The following PCGF3 variants were observed in gnomAD, a reference collection of about 807,000 sequenced individuals.
PCGF3 encodes polycomb group RING finger protein 3.
In PCGF3, 7 loss-of-function variants were observed where a neutral mutation model predicts 33.1. The observed-to-expected ratio is 0.21, with a 90% CI of 0.12 to 0.40. The LOEUF (loss-of-function observed/expected upper bound fraction) is 0.40. Among genes scored for constraint, PCGF3 ranks in the 10% least tolerant of loss-of-function variants. PCGF3 has a pLI of 1.00. For synonymous variants in PCGF3, 153 were observed against 121.3 expected, an observed-to-expected ratio of 1.26 and a Z score of -1.72; for missense variants, 211 against 313.3, an observed-to-expected ratio of 0.67 and a Z score of 2.46.
Position 734,466 on chromosome 4 carries a change from C to T in PCGF3, c.110-465C>T, listed in dbSNP as rs930728608. ...CTCACTTTAGGAAATAAAATATTTG[C>T]CAATTTGATAGAATTTTGACTTTAA... On this transcript the variant is annotated intron_variant, in intron 4 of 10. Coordinates refer to ENST00000362003, the Ensembl canonical transcript of PCGF3. 5 of 1,244,442 alleles carry T rather than the reference C, an allele frequency of 4.0e-6. No homozygotes were observed. In the African/African-American group the frequency reaches 4.6e-5, roughly 12 times the overall value. The allele number at this position is 1,244,442 out of a possible 1,614,324, so 77.1% of individuals were successfully genotyped here. A position where few individuals can be genotyped will look rare whatever the true frequency, so the allele number is the denominator to read the frequency against.
At chr4:767,298 AAAC>A (rs1326350816) in exon 11 of PCGF3, 1 of 152,146 alleles carries the variant, frequency 6.6e-6, no homozygotes, top group Non-Finnish European at 1.5e-5. Flanking sequence ...ATTAGAGAAT[AAAC>A]AGCCACACAC....
At chr4:750,384 G>C (rs1259014929) in intron 8 of PCGF3, among the ~76,000 whole-genome samples, 1 of 152,096 alleles carries the variant, frequency 6.6e-6, no homozygotes, top group Non-Finnish European at 1.5e-5. Context: ...TTGTTCACTT[G>C]GGTGCAGATT....
At chr4:757,948 C>G (rs553064125) in intron 8 of PCGF3, among the ~76,000 whole-genome samples, 13 of 152,172 alleles carry the variant, frequency 8.5e-5, no homozygotes, top group East Asian at 7.7e-4. Context: ...GTGGGCAGAT[C>G]ACGAGGTCAG....
At position 744,581 on chromosome 4, in the gene PCGF3, G is replaced by A. The variant is rs1211520953; in HGVS notation, c.374-19G>A. The stretch of plus-strand genomic sequence containing the variant: ...CAGTTTGGATTTCATGGTGCGCTAT[G>A]TTCTGTTTGTGCTAAAAGGTGAAAC... On this transcript the variant is annotated intron_variant, in intron 7 of 10. Coordinates refer to ENST00000362003, the Ensembl canonical transcript of PCGF3. The A allele has an allele frequency of 5.9e-6, 9 of 1,537,772 alleles. No homozygotes were observed. The highest frequency in any genetic ancestry group is 7.1e-6 in the Non-Finnish European group (8 of 1,134,058).
exon 11 of PCGF3, chr4:768,866 A>G (rs913259162): frequency 6.6e-6 from 1 of 152,544 alleles, no homozygotes; most frequent in Non-Finnish European, 1.5e-5. Context: ...TTTTATGTGG[A>G]TGAAGAGCAT....
chr4:714,100 C>T (rs932873406), intron 1 of PCGF3, among the ~76,000 whole-genome samples: 3 of 152,278 alleles, frequency 2.0e-5, no homozygotes, highest in South Asian at 2.1e-4. Context: ...ATGACAGGAC[C>T]AGCGCCCTTT....
intron 1 of PCGF3, among the ~76,000 whole-genome samples, chr4:716,041 G>A (rs376004448): frequency 1.4e-5 from 2 of 144,536 alleles, no homozygotes; most frequent in African/African-American, 2.5e-5. Flanking sequence ...AGAACTGGGC[G>A]TCGGTGCTGG....
At chr4:760,692 C>T (rs1398943222) in intron 8 of PCGF3, among the ~76,000 whole-genome samples, 4 of 152,236 alleles carry the variant, frequency 2.6e-5, no homozygotes, top group Admixed American at 6.5e-5. Flanking sequence ...GGGGCCAAGC[C>T]GGCCGGGCCC....
chr4:717,593 T>G (rs938447540), intron 1 of PCGF3, among the ~76,000 whole-genome samples: 2 of 152,234 alleles, frequency 1.3e-5, no homozygotes, highest in Admixed American at 6.5e-5. Context: ...TTGGCCAAGC[T>G]GCTCTCAAGC....
chr4:734,496 A>C, intron 4 of PCGF3: 1 of 1,223,666 alleles, frequency 8.2e-7, no homozygotes, highest in Non-Finnish European at 1.0e-6. Flanking sequence ...CTTTAACGTT[A>C]ATCGTATTTT....
chr4:764,716 G>A (rs1240394955), intron 9 of PCGF3: 4 of 372,308 alleles, frequency 1.1e-5, no homozygotes, highest in African/African-American at 2.1e-5. Context: ...CTGCAGAAAC[G>A]TCATCCCCCT....
chr4:766,297 T>C (rs1025869837), exon 11 of PCGF3: 2 of 512,620 alleles, frequency 3.9e-6, no homozygotes, highest in South Asian at 2.4e-5. Flanking sequence ...GAGCCGATCG[T>C]CCTCTCCCCC....
intron 9 of PCGF3, among the ~76,000 whole-genome samples, chr4:763,749 G>A (rs1357374749): frequency 2.0e-5 from 3 of 152,164 alleles, no homozygotes; most frequent in Non-Finnish European, 4.4e-5. Context: ...ACAAAAACCT[G>A]CACCCGGATG....
chr4:735,928 T>A (rs1292585917), intron 5 of PCGF3, among the ~76,000 whole-genome samples: 2 of 152,060 alleles, frequency 1.3e-5, no homozygotes, highest in Non-Finnish European at 1.5e-5. Flanking sequence ...GGGGGGTTGC[T>A]CCAAAGGAAG....
In PCGF3 at chr4:750,053, C is replaced by T. The variant is rs1744444955; in HGVS notation, c.462+5365C>T. The stretch of plus-strand genomic sequence containing the variant: ...CTCCTGGGCTGAAGCAGTCCACCTG[C>T]CTCAGTCTCCCAAAGTGCCAGGATT... On this transcript the variant is annotated intron_variant, in intron 8 of 10. Coordinates refer to ENST00000362003, the Ensembl canonical transcript of PCGF3. Among the ~76,000 whole-genome samples the T allele has an allele frequency of 3.3e-5, 5 of 152,212 alleles. No homozygotes were observed. In the South Asian group the frequency reaches 1.0e-3, roughly 31 times the overall value.
At chr4:714,034 C>G (rs981489090) in intron 1 of PCGF3, among the ~76,000 whole-genome samples, 2 of 152,088 alleles carry the variant, frequency 1.3e-5, no homozygotes, top group Non-Finnish European at 2.9e-5. Context: ...CCATGGGGGA[C>G]CCTAACCCCC....
chr4:762,808 C>T (rs1354802426), intron 9 of PCGF3: 3 of 152,196 alleles, frequency 2.0e-5, no homozygotes, highest in African/African-American at 7.2e-5. Context: ...AAGACACCAC[C>T]TCGTGATAAT....
At chr4:723,252 G>A (rs1009560255) in intron 1 of PCGF3, among the ~76,000 whole-genome samples, 6 of 152,244 alleles carry the variant, frequency 3.9e-5, no homozygotes, top group Admixed American at 2.6e-4. Flanking sequence ...GCTCCTAGCC[G>A]CTGCAGTTGC....
intron 8 of PCGF3, among the ~76,000 whole-genome samples, chr4:748,998 CTG>C (rs1420369470): frequency 6.6e-6 from 1 of 152,110 alleles, no homozygotes; most frequent in Admixed American, 6.5e-5. Context: ...CGATGTAAAG[CTG>C]TGTGTGATGT....
Sources: allele counts gnomAD v4.1 joint callset (sites outside exome capture counted in the v4.1 genomes callset), GRCh38; gene constraint gnomAD v4.1.1; transcripts MANE v1.5; gene names NCBI Gene and HGNC (gene_info 2026-07-23, HGNC 2026-07-21).